Variants in GRM5 observed in about 807,000 individuals in gnomAD.
GRM5 encodes glutamate metabotropic receptor 5.
A neutral mutation model predicts 83.1 loss-of-function variants in GRM5; 19 were observed. That is an observed-to-expected ratio of 0.23 (90% CI 0.16 to 0.34). The LOEUF (loss-of-function observed/expected upper bound fraction) is 0.34, where lower values mean the gene tolerates loss of function less well. Among genes scored for constraint, GRM5 ranks in the 10% least tolerant of loss-of-function variants. The probability of loss-of-function intolerance (pLI) is 1.00; values close to 1 mark genes in which losing one functional copy is unlikely to be tolerated. For missense variants in GRM5, 1,160 were observed against 1,588.3 expected (o/e 0.73, Z 4.58); for synonymous variants, 675 against 633.6 (o/e 1.07, Z -0.98).
At chr11:88,760,389 C>T (rs1206873121) in intron 3 of GRM5, among the ~76,000 whole-genome samples, 10 of 151,872 alleles carry the variant, frequency 6.6e-5, no homozygotes, top group Admixed American at 5.9e-4. Context: ...TACCACGGAC[C>T]CCATAGAAAT....
At chr11:88,544,143 A>G (rs1942339610) in intron 8 of GRM5, among the ~76,000 whole-genome samples, 1 of 152,122 alleles carries the variant, frequency 6.6e-6, no homozygotes, top group Admixed American at 6.6e-5. Context: ...GACCCTCCCC[A>G]GATGCTGGTG....
chr11:88,708,490 C>T lies in GRM5; in HGVS notation c.912-55087G>A, dbSNP rs143925434. 1.4e-3 allele frequency among the ~76,000 whole-genome samples: 220 copies of T among 152,068 alleles called. 6 individuals are homozygous for T. The East Asian group carries it at 0.039, about 27-fold the overall frequency. ...GACTTTGAGGTATGAGTATTGTTTTCGAATTGTGTCTCTGTCACTTAACAT... is the reference window on the plus strand; with the variant it reads ...GACTTTGAGGTATGAGTATTGTTTTTGAATTGTGTCTCTGTCACTTAACAT... On this transcript the variant is annotated intron_variant, in intron 3 of 9. Coordinates refer to ENST00000305447, the MANE Select transcript of GRM5 (RefSeq NM_001143831.3).
chr11:88,572,961 G>T (rs907136126), intron 7 of GRM5, among the ~76,000 whole-genome samples: 1 of 151,996 alleles, frequency 6.6e-6, no homozygotes. Flanking sequence ...CAAGCATATT[G>T]CCATTTCTCT....
intron 4 of GRM5, among the ~76,000 whole-genome samples, chr11:88,644,115 C>T (rs574203677): frequency 4.6e-5 from 7 of 152,140 alleles, no homozygotes; most frequent in Non-Finnish European, 8.8e-5. Flanking sequence ...CACATAATGG[C>T]CGTAAACAAC....
chr11:88,610,300 A>G (rs960917811), intron 4 of GRM5, among the ~76,000 whole-genome samples: 9 of 152,198 alleles, frequency 5.9e-5, no homozygotes, highest in Admixed American at 2.6e-4. Context: ...TCTGTAAATT[A>G]CTTTGAGTGA....
At chr11:88,534,585 A>G (rs1942092439) in intron 8 of GRM5, among the ~76,000 whole-genome samples, 1 of 152,210 alleles carries the variant, frequency 6.6e-6, no homozygotes, top group Admixed American at 6.5e-5. Flanking sequence ...TTGATTTTAC[A>G]AGCACATAGG....
intron 7 of GRM5, among the ~76,000 whole-genome samples, chr11:88,568,673 G>T (rs1942921672): frequency 6.6e-6 from 1 of 152,218 alleles, no homozygotes; most frequent in Non-Finnish European, 1.5e-5. Context: ...TGAGATAAAG[G>T]TGTGCACACA....
chr11:88,757,414 T>A (rs567175385), intron 3 of GRM5, among the ~76,000 whole-genome samples: 1 of 152,228 alleles, frequency 6.6e-6, no homozygotes, highest in East Asian at 1.9e-4. Context: ...AGTTGGAGCC[T>A]TTGTGAACAC....
intron 9 of GRM5, among the ~76,000 whole-genome samples, chr11:88,520,271 G>T (rs1409972390): frequency 6.6e-6 from 1 of 152,176 alleles, no homozygotes; most frequent in Admixed American, 6.5e-5. Flanking sequence ...ATATGGAATT[G>T]ATTTTGGAGA....
At chr11:88,838,747 T>C (rs1393673986) in intron 3 of GRM5, among the ~76,000 whole-genome samples, 1 of 152,172 alleles carries the variant, frequency 6.6e-6, no homozygotes, top group Non-Finnish European at 1.5e-5. Context: ...TCCTCATTGT[T>C]TATAACAGAT....
chr11:88,987,493 T>A lies in GRM5; in HGVS notation c.661+59719A>T, dbSNP rs1321370320. ...AACAAAGCAGCCAGGAAGCTCGAAC[T>A]GGGTGGAGCCCACCACAGCTCAAGG... On this transcript the variant is annotated intron_variant, in intron 2 of 9. Transcript: ENST00000305447. Among the ~76,000 whole-genome samples, 3 of 152,030 alleles carry A rather than the reference T, an allele frequency of 2.0e-5. No individual in the cohort carries two copies. In the East Asian group the frequency reaches 5.8e-4, roughly 29 times the overall value.
At chr11:88,917,758 C>T (rs1417755588) in intron 2 of GRM5, among the ~76,000 whole-genome samples, 1 of 151,940 alleles carries the variant, frequency 6.6e-6, no homozygotes, top group Non-Finnish European at 1.5e-5. Context: ...GATTTGTGTG[C>T]TTGAACAGGC....
At chr11:88,693,440 C>T (rs746936827) in intron 3 of GRM5, among the ~76,000 whole-genome samples, 5 of 152,184 alleles carry the variant, frequency 3.3e-5, no homozygotes, top group Non-Finnish European at 7.3e-5. Flanking sequence ...GCCTCTCAAA[C>T]AGTCTCCCTC....
At position 88,642,242 on chromosome 11, in the gene GRM5, G is replaced by A. The variant is rs146534198; in HGVS notation, c.1147+10926C>T. Among the ~76,000 whole-genome samples the A allele has an allele frequency of 2.6e-5, 4 of 152,282 alleles. No homozygotes were observed. In the East Asian group the frequency reaches 5.8e-4, roughly 22 times the overall value. ...TGTGTTCTCCTTTGAGCCACAGCTA[G>A]AGCTTGAGTGGCCTGGATGTGGGTA... On this transcript the variant is annotated intron_variant, in intron 4 of 9. Transcript: ENST00000305447.
intron 3 of GRM5, among the ~76,000 whole-genome samples, chr11:88,716,527 G>C (rs947967390): frequency 2.6e-5 from 4 of 151,884 alleles, no homozygotes; most frequent in Non-Finnish European, 5.9e-5. Context: ...TAGTGTGTGG[G>C]TGATTTGTAT....
intron 9 of GRM5, among the ~76,000 whole-genome samples, chr11:88,512,673 T>A (rs1172490194): frequency 6.6e-6 from 1 of 152,206 alleles, no homozygotes; most frequent in Non-Finnish European, 1.5e-5. Context: ...AAAAGAATAA[T>A]CTTTTTAAGC....
At chr11:88,794,626 G>T (rs1353832972) in intron 3 of GRM5, among the ~76,000 whole-genome samples, 1 of 152,194 alleles carries the variant, frequency 6.6e-6, no homozygotes, top group African/African-American at 2.4e-5. Flanking sequence ...GCATGGATGT[G>T]AGGAGCATCA....
intron 3 of GRM5, among the ~76,000 whole-genome samples, chr11:88,673,643 T>C (rs1223093176): frequency 6.6e-6 from 1 of 151,880 alleles, no homozygotes; most frequent in African/African-American, 2.4e-5. Context: ...AATTTTTTAG[T>C]CTGACAAAAT....
At chr11:88,963,156 A>C (rs1372877191) in intron 2 of GRM5, among the ~76,000 whole-genome samples, 1 of 152,232 alleles carries the variant, frequency 6.6e-6, no homozygotes, top group Non-Finnish European at 1.5e-5. Flanking sequence ...ATGCAGGCTT[A>C]AAAGAAACAG....
Sources: gnomAD v4.1 joint callset for allele counts (sites outside exome capture counted in the v4.1 genomes callset) on GRCh38, gnomAD v4.1.1 for gene constraint, MANE v1.5 for transcripts, NCBI Gene and HGNC (gene_info 2026-07-23, HGNC 2026-07-21) for gene names.